Variants in SNX25 observed in about 807,000 individuals in gnomAD.
SNX25 encodes the protein sorting nexin 25.
A neutral mutation model predicts 113.7 loss-of-function variants in SNX25; 62 were observed. That is an observed-to-expected ratio of 0.55 (90% CI 0.44 to 0.67). The LOEUF is 0.67. SNX25 is among the 30% of genes least tolerant of loss of function. The pLI is 0.00. For missense variants in SNX25, 1,014 were observed against 1,161.0 expected (o/e 0.87, Z 1.84); for synonymous variants, 421 against 436.2 (o/e 0.97, Z 0.43).
chr4:185,234,289 C>T (rs559976621), intron 1 of SNX25, among the ~76,000 whole-genome samples: 3 of 152,140 alleles, frequency 2.0e-5, no homozygotes, highest in African/African-American at 7.2e-5. Context: ...ACGAAAGGAA[C>T]CTGCTATGAA....
rs1311025539 is a variant in SNX25, at chr4:185,302,730, C to T, written c.1163-7905C>T. Among the ~76,000 whole-genome samples the T allele has an allele frequency of 2.6e-5, 4 of 152,196 alleles. No individual in the cohort carries two copies. In the South Asian group the frequency reaches 6.2e-4, roughly 24 times the overall value. ...CTGTGCGGAGTAAATGTCTGTTGTT[C>T]GAAAGCCATGCAGTCTGTGGTGTTC... On this transcript the variant is annotated intron_variant, in intron 6 of 18. Transcript: ENST00000652585.
chr4:185,375,573 C>T, the SNX25 span: 71 of 993,116 alleles, frequency 7.1e-5, no homozygotes, highest in Non-Finnish European at 8.8e-5. Context: ...AATCCACTGA[C>T]AATGAAATCT....
chr4:185,363,729 G>C lies in SNX25; in HGVS notation c.*264G>C. The C allele has an allele frequency of 3.3e-6, 1 of 302,848 alleles. No homozygotes were observed. The highest frequency in any genetic ancestry group is 5.7e-5 in the East Asian group (1 of 17,468). The allele number at this position is 302,848 out of a possible 1,614,324, so 18.8% of individuals were successfully genotyped here. On this transcript the variant is annotated 3_prime_UTR_variant, in exon 19 of 19. Transcript: ENST00000652585. The surrounding 1 kb of genome is among the most constrained non-coding windows in gnomAD (Gnocchi z 4.2). The stretch of plus-strand genomic sequence containing the variant: ...TTGAAATACAAATGTTAATATGTGA[G>C]AACCTAGGAAGTATTTTAAATATTT...
chr4:185,284,053 C>T (rs950030272), intron 5 of SNX25, among the ~76,000 whole-genome samples: 10 of 152,248 alleles, frequency 6.6e-5, no homozygotes, highest in Admixed American at 5.9e-4. Flanking sequence ...TAATTTAGCT[C>T]ATTAATATCT....
At chr4:185,270,975 C>T (rs184525195) in intron 5 of SNX25, among the ~76,000 whole-genome samples, 14 of 152,212 alleles carry the variant, frequency 9.2e-5, no homozygotes, top group Admixed American at 7.9e-4. Context: ...TTTGAGTGAC[C>T]GTTGAGCATC....
At chr4:185,339,935 T>G (rs2095251317) in intron 11 of SNX25, among the ~76,000 whole-genome samples, 1 of 152,250 alleles carries the variant, frequency 6.6e-6, no homozygotes, top group Non-Finnish European at 1.5e-5. Context: ...AATGAATATG[T>G]TTTTTGAATT....
At chr4:185,310,294 G>GTACATGCTT (rs1755056959) in intron 6 of SNX25, among the ~76,000 whole-genome samples, 3 of 152,130 alleles carry the variant, frequency 2.0e-5, no homozygotes. Flanking sequence ...CTAGCACCCA[G>GTACATGCTT]TACATGCTTA....
At chr4:185,276,323 C>G (rs1749671117) in intron 5 of SNX25, among the ~76,000 whole-genome samples, 1 of 152,170 alleles carries the variant, frequency 6.6e-6, no homozygotes, top group African/African-American at 2.4e-5. Flanking sequence ...CCAAGGATAG[C>G]AAATAGATTT....
chr4:185,327,789 C>T (rs1351335619), intron 9 of SNX25, among the ~76,000 whole-genome samples: 4 of 152,158 alleles, frequency 2.6e-5, no homozygotes, highest in African/African-American at 4.8e-5. Flanking sequence ...CTTTATTAAA[C>T]CAATATTAAT....
At chr4:185,302,163 G>A (rs543184689) in intron 6 of SNX25, among the ~76,000 whole-genome samples, 10 of 144,828 alleles carry the variant, frequency 6.9e-5, no homozygotes, top group Admixed American at 4.2e-4. Flanking sequence ...CTCGAACTCC[G>A]GACCTCAAGT....
downstream of SNX25, among the ~76,000 whole-genome samples, chr4:185,371,327 T>C (rs7690242): frequency 0.038 from 5,772 of 151,896 alleles, 261 homozygotes; most frequent in African/African-American, 0.1. Flanking sequence ...ATCACGAGGT[T>C]AGGAGATTGA....
chr4:185,352,443 A>C (rs940379650), intron 14 of SNX25, among the ~76,000 whole-genome samples: 1 of 151,810 alleles, frequency 6.6e-6, no homozygotes, highest in Non-Finnish European at 1.5e-5. Flanking sequence ...GCACACCCAC[A>C]CCTGCTCCAG....
chr4:185,303,574 G>A lies in SNX25; in HGVS notation c.1163-7061G>A, dbSNP rs544206667. 9.3e-5 allele frequency among the ~76,000 whole-genome samples: 14 copies of A among 150,720 alleles called. No individual in the cohort carries two copies. The South Asian group carries it at 2.9e-3, about 32-fold the overall frequency. On this transcript the variant is annotated intron_variant, in intron 6 of 18. Coordinates refer to ENST00000652585, the MANE Select transcript of SNX25 (RefSeq NM_001378034.2). ...CTTGGAAGGCTGAGGCAGGAGAATG[G>A]CATGAACCTGGGAGGCGGAGCTTGC...
At chr4:185,248,799 T>A (rs1442875310) in intron 2 of SNX25, among the ~76,000 whole-genome samples, 1 of 152,194 alleles carries the variant, frequency 6.6e-6, no homozygotes, top group Non-Finnish European at 1.5e-5. Flanking sequence ...TAGAGAACAT[T>A]TCCATCATTC....
At chr4:185,222,408 C>T (rs1455836787) in intron 1 of SNX25, among the ~76,000 whole-genome samples, 54 of 151,262 alleles carry the variant, frequency 3.6e-4, no homozygotes, top group African/African-American at 1.3e-3. Flanking sequence ...GCCCTATACC[C>T]CTCCCTCTCG....
downstream of SNX25, chr4:185,370,615 A>G: frequency 6.2e-7 from 1 of 1,605,352 alleles, no homozygotes; most frequent in Non-Finnish European, 8.5e-7. Context: ...CTTTGGGTGA[A>G]TTTATATTTT....
chr4:185,240,671 C>T (rs139111445), intron 1 of SNX25, among the ~76,000 whole-genome samples: 51,215 of 150,012 alleles, frequency 0.34, 10,408 homozygotes, highest in East Asian at 0.55. Flanking sequence ...ACCTCCCTTC[C>T]GGACGGGGCG....
intron 6 of SNX25, among the ~76,000 whole-genome samples, chr4:185,300,202 CAG>C (rs554123225): frequency 1.9e-4 from 29 of 151,962 alleles, no homozygotes; most frequent in African/African-American, 7.0e-4. Context: ...CTCTGTCGCC[CAG>C]GCCGGAGTGC....
chr4:185,330,552 T>A (rs1191973440), intron 9 of SNX25, among the ~76,000 whole-genome samples: 1 of 152,228 alleles, frequency 6.6e-6, no homozygotes, highest in Non-Finnish European at 1.5e-5. Context: ...TTTGGATAGC[T>A]CCAGTTACCA....
Sources: allele counts gnomAD v4.1 joint callset (sites outside exome capture counted in the v4.1 genomes callset), GRCh38; gene constraint gnomAD v4.1.1; non-coding constraint Gnocchi (gnomAD v3.1); transcripts MANE v1.5; gene names NCBI Gene and HGNC (gene_info 2026-07-23, HGNC 2026-07-21).